The following EFCAB14 variants were observed in gnomAD, a reference collection of about 807,000 sequenced individuals.
EFCAB14 encodes EF-hand calcium-binding domain-containing protein 14.
A neutral mutation model predicts 56.5 loss-of-function variants in EFCAB14; 43 were observed. That is an observed-to-expected ratio of 0.76 (90% CI 0.60 to 0.98). The LOEUF is 0.98. Ranked by LOEUF, EFCAB14 falls within the 50% of genes least tolerant of loss-of-function variation. EFCAB14 has a pLI of 0.00. For missense variants in EFCAB14, 538 were observed against 580.3 expected (o/e 0.93, Z 0.75); for synonymous variants, 235 against 212.9 (o/e 1.10, Z -0.90).
chr1:46,694,614 T>C (rs1677050545), intron 4 of EFCAB14, among the ~76,000 whole-genome samples: 1 of 152,172 alleles, frequency 6.6e-6, no homozygotes, highest in African/African-American at 2.4e-5. Flanking sequence ...ATAGGAACAC[T>C]TTTACACTGT....
rs1349959436 is a variant in EFCAB14 at position 46,675,767 on chromosome 1, T to C, written c.*2694A>G. On this transcript the variant is annotated 3_prime_UTR_variant, in exon 11 of 11. Transcript: ENST00000371933. ...AGTCATCTAGAAGTCAGGTTTTCTC[T>C]TCTTTTGGTTCTTCTTTTTATATGC... 1 of 152,266 alleles carries C rather than the reference T, an allele frequency of 6.6e-6. No homozygotes were observed. Among genetic ancestry groups the C allele is most frequent in the Non-Finnish European group, 1.5e-5 (1 of 68,058 alleles). The allele number at this position is 152,266 out of a possible 1,614,324, so 9.4% of individuals were successfully genotyped here. A position where few individuals can be genotyped will look rare whatever the true frequency, so the allele number is the denominator to read the frequency against.
At chr1:46,701,665 C>T (rs1032832976) in intron 3 of EFCAB14, among the ~76,000 whole-genome samples, 8 of 152,188 alleles carry the variant, frequency 5.3e-5, no homozygotes, top group African/African-American at 1.7e-4. Flanking sequence ...CCAGCAGGAT[C>T]GAGTGAGGTG....
At position 46,679,273 on chromosome 1, in the gene EFCAB14, T is replaced by C. The variant is rs563702595; in HGVS notation, c.1313-637A>G. On this transcript the variant is annotated intron_variant, in intron 10 of 10. Coordinates refer to ENST00000371933, the MANE Select transcript of EFCAB14 (RefSeq NM_014774.3). ...GAGGAAAGTAACTTGCCTACGGTCA[T>C]GTAACTCTTAAGTGGAATACAATAC... Among the ~76,000 whole-genome samples, 15 of 152,320 alleles carry C rather than the reference T, an allele frequency of 9.8e-5. No homozygotes were observed. In the South Asian group the frequency reaches 2.9e-3, roughly 29 times the overall value.
intron 3 of EFCAB14, among the ~76,000 whole-genome samples, chr1:46,698,621 G>C (rs1677109172): frequency 6.6e-6 from 1 of 152,180 alleles, no homozygotes; most frequent in African/African-American, 2.4e-5. Context: ...CTATTTCAGG[G>C]AAGAGGGAAC....
chr1:46,710,853 G>A (rs1389913944), intron 2 of EFCAB14, among the ~76,000 whole-genome samples: 1 of 152,134 alleles, frequency 6.6e-6, no homozygotes. Context: ...TACCCAGTGA[G>A]ATAAACTTTT....
rs748014271 is a variant in EFCAB14, at chr1:46,684,601, T to C, written c.1076A>G (p.Lys359Arg). The C allele has an allele frequency of 1.6e-5, 25 of 1,612,406 alleles. No individual in the cohort carries two copies. Among genetic ancestry groups the C allele is most frequent in the Admixed American group, 3.3e-5 (2 of 59,996 alleles). The change falls in exon 9 of 11, where the codon AAA becomes AGA. Residue 359 changes from lysine (K) to arginine (R), a missense_variant and splice_region_variant. Lys to Arg is a conservative substitution (Grantham distance 26). Transcript: ENST00000371933. ...TDTVKIQSIK[K>R]EDSSNSQVSK... ...TACCTGAGAATTTGAACTATCTTCT[T>C]TCTGCACAAAACAAAGATTATAGAA...
Position 46,707,948 on chromosome 1 carries a change from AC to A in EFCAB14, c.437del (p.Gly146ValfsTer2). 6.2e-7 allele frequency: 1 copy of A among 1,611,942 alleles called. No homozygotes were observed. Among genetic ancestry groups the A allele is most frequent in the Non-Finnish European group, 8.5e-7 (1 of 1,179,682 alleles). The stretch of plus-strand genomic sequence containing the variant: ...TGATGTTTATCCAGACTTTGTTCAA[AC>A]CCATCTCTCCAGATTCAATCTTCTC... ...QLEKIESGEM[G>X]LNKVWINITE... On this transcript the variant is annotated frameshift_variant, in exon 3 of 11. Coordinates refer to ENST00000371933, the MANE Select transcript of EFCAB14 (RefSeq NM_014774.3). LOFTEE classifies it high-confidence loss of function.
chr1:46,690,078 TGGACTCAAGA>T (rs1205748464), intron 5 of EFCAB14, among the ~76,000 whole-genome samples: 2 of 152,340 alleles, frequency 1.3e-5, no homozygotes, highest in East Asian at 3.9e-4. Flanking sequence ...TTGTTTCCAC[TGGACTCAAGA>T]GCTTTGACAT....
Position 46,718,072 on chromosome 1 carries a change from C to G in EFCAB14, c.16G>C (p.Glu6Gln), listed in dbSNP as rs1677425861. 1 of 1,613,870 alleles carries G rather than the reference C, an allele frequency of 6.2e-7. No individual in the cohort carries two copies. Among genetic ancestry groups the G allele is most frequent in the Admixed American group, 1.7e-5 (1 of 59,968 alleles). MKKRK[E>Q]LNALIGLAGD... ...GCCAAACCAATCAATGCATTGAGCT[C>G]TTTGCGCTTTTTCATCTTTTTGTGT... is the stretch of plus-strand genomic sequence containing the variant. Residue 6 changes from glutamate (E) to glutamine (Q), a missense_variant, in exon 1 of 11, where the codon GAG (glutamate) becomes CAG (glutamine). Glu to Gln is a conservative substitution (Grantham distance 29). Coordinates refer to ENST00000371933, the MANE Select transcript of EFCAB14 (RefSeq NM_014774.3).
At chr1:46,704,849 C>G (rs960295430) in intron 3 of EFCAB14, among the ~76,000 whole-genome samples, 6 of 149,552 alleles carry the variant, frequency 4.0e-5, no homozygotes, top group African/African-American at 1.5e-4. Context: ...TAATTTAAAG[C>G]TTTTTCAAGG....
intron 2 of EFCAB14, among the ~76,000 whole-genome samples, chr1:46,712,496 A>AC: frequency 6.6e-6 from 1 of 152,250 alleles, no homozygotes; most frequent in South Asian, 2.1e-4. Context: ...AGAAAAAAAA[A>AC]AGAAAAAAAA....
At chr1:46,680,378 A>T (rs1397075401) in intron 10 of EFCAB14, among the ~76,000 whole-genome samples, 1 of 152,246 alleles carries the variant, frequency 6.6e-6, no homozygotes, top group Non-Finnish European at 1.5e-5. Flanking sequence ...ATTCAGCCAT[A>T]AAAAGGAACG....
intron 3 of EFCAB14, among the ~76,000 whole-genome samples, chr1:46,701,922 G>C (rs549402732): frequency 6.6e-6 from 1 of 152,316 alleles, no homozygotes; most frequent in Admixed American, 6.5e-5. Context: ...GCCAACATCT[G>C]TGGAAAGCTA....
At chr1:46,697,142 G>A (rs529494008) in intron 3 of EFCAB14, among the ~76,000 whole-genome samples, 36 of 152,172 alleles carry the variant, frequency 2.4e-4, no homozygotes, top group Non-Finnish European at 4.3e-4. Context: ...ACTGCACTCT[G>A]ACAATTTGAA....
intron 2 of EFCAB14, among the ~76,000 whole-genome samples, chr1:46,709,596 G>C (rs527752937): frequency 1.4e-4 from 21 of 152,296 alleles, no homozygotes; most frequent in Middle Eastern, 3.4e-3. Context: ...CACAGAGCCA[G>C]GTACTCAGAA....
In EFCAB14 at chr1:46,683,380, A is replaced by AG. The variant is rs1410635500; in HGVS notation, c.1231_1232insC (p.Phe411SerfsTer10). The AG allele has an allele frequency of 5.0e-6, 8 of 1,614,042 alleles. No individual in the cohort carries two copies. The highest frequency in any genetic ancestry group is 6.8e-6 in the Non-Finnish European group (8 of 1,179,968). On this transcript the variant is annotated frameshift_variant, in exon 10 of 11. Transcript: ENST00000371933. LOFTEE classifies it high-confidence loss of function. ...AACTGGGTCTCCAAGAAACTGTGAA[A>AG]ATTTTGGCAATGCTGATGGCTTTGA...
At chr1:46,683,759 C>T (rs548130165) in intron 9 of EFCAB14, among the ~76,000 whole-genome samples, 12 of 152,298 alleles carry the variant, frequency 7.9e-5, no homozygotes, top group Admixed American at 5.2e-4. Context: ...AAGATCTTGA[C>T]ATCCTGGGAG....
At chr1:46,697,523 A>T (rs1677093730) in intron 3 of EFCAB14, among the ~76,000 whole-genome samples, 1 of 152,162 alleles carries the variant, frequency 6.6e-6, no homozygotes, top group Non-Finnish European at 1.5e-5. Flanking sequence ...CTAGGATGAG[A>T]ACACAGATCT....
chr1:46,717,439 C>T (rs754119667), intron 1 of EFCAB14, among the ~76,000 whole-genome samples: 10 of 152,182 alleles, frequency 6.6e-5, no homozygotes, highest in Non-Finnish European at 1.3e-4. Flanking sequence ...ACCCCACCTA[C>T]TCTCAAGGCT....
Sources: allele counts gnomAD v4.1 joint callset (sites outside exome capture counted in the v4.1 genomes callset), GRCh38; gene constraint gnomAD v4.1.1; transcripts MANE v1.5; gene names NCBI Gene and HGNC (gene_info 2026-07-23, HGNC 2026-07-21).